PPM1E: variants seen among roughly 807,000 people sequenced by gnomAD.
PPM1E encodes the protein protein phosphatase, Mg2+/Mn2+ dependent 1E, also known as protein phosphatase 1E.
A neutral mutation model predicts 65.9 loss-of-function variants in PPM1E; 20 were observed. The ratio of observed to expected loss-of-function variants is 0.30; its 90% confidence interval spans 0.21 to 0.44. The LOEUF (loss-of-function observed/expected upper bound fraction) is 0.44, where lower values mean the gene tolerates loss of function less well. Among genes scored for constraint, PPM1E ranks in the 20% least tolerant of loss-of-function variants. The pLI is 1.00. For synonymous variants in PPM1E, 352 were observed against 374.9 expected (o/e 0.94, Z 0.70); for missense variants, 713 against 953.1 (o/e 0.75, Z 3.32).
chr17:58,890,671 T>C (rs1789270071), intron 1 of PPM1E, among the ~76,000 whole-genome samples: 1 of 152,182 alleles, frequency 6.6e-6, no homozygotes, highest in Non-Finnish European at 1.5e-5. Flanking sequence ...ATGAATGTTT[T>C]TTCATTCCTG....
intron 1 of PPM1E, among the ~76,000 whole-genome samples, chr17:58,909,961 G>T: frequency 2.6e-5 from 3 of 113,810 alleles, no homozygotes; most frequent in South Asian, 3.2e-4. Context: ...GGAGTGCAGT[G>T]GTGCTATCTT....
At chr17:58,770,629 G>T (rs187081234) in intron 1 of PPM1E, among the ~76,000 whole-genome samples, 28 of 152,164 alleles carry the variant, frequency 1.8e-4, no homozygotes, top group Admixed American at 7.9e-4. Context: ...AAAAATTAGT[G>T]CCTCAATGTT....
chr17:58,936,091 T>C (rs2051976803), intron 1 of PPM1E, among the ~76,000 whole-genome samples: 1 of 152,008 alleles, frequency 6.6e-6, no homozygotes, highest in South Asian at 2.1e-4. Flanking sequence ...TATTTAGTTG[T>C]AGAAAAACTA....
At chr17:58,921,245 G>A (rs1283386868) in intron 1 of PPM1E, among the ~76,000 whole-genome samples, 1 of 152,184 alleles carries the variant, frequency 6.6e-6, no homozygotes, top group African/African-American at 2.4e-5. Flanking sequence ...AGAGAAATGG[G>A]ACTTTGACTG....
chr17:58,834,016 G>A (rs1309586984), intron 1 of PPM1E, among the ~76,000 whole-genome samples: 1 of 152,046 alleles, frequency 6.6e-6, no homozygotes, highest in East Asian at 1.9e-4. Flanking sequence ...ATTTTTTCGT[G>A]TTCATTGGCC....
At position 58,961,106 on chromosome 17, in the gene PPM1E, A is replaced by G. The variant is rs77224445; in HGVS notation, c.584-4588A>G. On this transcript the variant is annotated intron_variant, in intron 2 of 6. Coordinates refer to ENST00000308249, the MANE Select transcript of PPM1E (RefSeq NM_014906.5). ...GACATCCTTTAAAATTAAGAGTAAT[A>G]GGTAGGAAAACTAGACCTCCCGATA... Among the ~76,000 whole-genome samples the G allele has an allele frequency of 8.0e-3, 1,214 of 152,294 alleles. 50 individuals are homozygous for G. Among genetic ancestry groups the G allele is most frequent in the Admixed American group, 0.063 (968 of 15,278 alleles).
chr17:58,901,725 C>G (rs1453365393), intron 1 of PPM1E, among the ~76,000 whole-genome samples: 2 of 151,266 alleles, frequency 1.3e-5, no homozygotes, highest in Non-Finnish European at 2.9e-5. Context: ...ACCTATAATC[C>G]CAGCACTTTG....
At chr17:58,962,522 C>T (rs947901370) in intron 2 of PPM1E, among the ~76,000 whole-genome samples, 1 of 152,126 alleles carries the variant, frequency 6.6e-6, no homozygotes, top group African/African-American at 2.4e-5. Flanking sequence ...CAGATGAGGA[C>T]ACATCCATCT....
At chr17:58,927,249 C>G (rs2051835017) in intron 1 of PPM1E, among the ~76,000 whole-genome samples, 1 of 151,414 alleles carries the variant, frequency 6.6e-6, no homozygotes, top group South Asian at 2.1e-4. Flanking sequence ...GCCTCAGCCT[C>G]CCGAGTAGCT....
chr17:58,765,258 A>T (rs11657895), intron 1 of PPM1E, among the ~76,000 whole-genome samples: 306 of 151,126 alleles, frequency 2.0e-3, no homozygotes, highest in Admixed American at 3.8e-3. Context: ...GCTCACTGCA[A>T]CTTCCAACTT....
rs182926634 is a variant in PPM1E at position 58,869,908 on chromosome 17, C to T, written c.465-85741C>T. On this transcript the variant is annotated intron_variant, in intron 1 of 6. Coordinates refer to ENST00000308249, the MANE Select transcript of PPM1E (RefSeq NM_014906.5). ...CCTATTTGGCTTTATCAAAGATGAACGAATTGATATAAGTCAGAGAATCTG... is the reference window on the plus strand; with the variant it reads ...CCTATTTGGCTTTATCAAAGATGAATGAATTGATATAAGTCAGAGAATCTG... Among the ~76,000 whole-genome samples, 12 of 152,188 alleles carry T rather than the reference C, an allele frequency of 7.9e-5. No individual in the cohort carries two copies. The East Asian group carries it at 1.2e-3, about 15-fold the overall frequency.
intron 1 of PPM1E, chr17:58,955,411 T>C: frequency 1.8e-6 from 1 of 547,364 alleles, no homozygotes; most frequent in Non-Finnish European, 3.2e-6. Flanking sequence ...TTTTAAGTTA[T>C]ATCCTATTAG....
chr17:58,941,786 C>T (rs1598664583), intron 1 of PPM1E, among the ~76,000 whole-genome samples: 1 of 150,370 alleles, frequency 6.7e-6, no homozygotes, highest in Non-Finnish European at 1.5e-5. Flanking sequence ...GGGCAGATCA[C>T]CTGAGGTCAG....
At chr17:58,932,043 C>G (rs1452170839) in intron 1 of PPM1E, among the ~76,000 whole-genome samples, 2 of 152,034 alleles carry the variant, frequency 1.3e-5, no homozygotes, top group Admixed American at 1.3e-4. Flanking sequence ...TGGGAGGCCA[C>G]AGCAGGAAGA....
chr17:58,930,248 TATACACAC>T (rs1156691326), intron 1 of PPM1E, among the ~76,000 whole-genome samples: 1 of 142,086 alleles, frequency 7.0e-6, no homozygotes, highest in Non-Finnish European at 1.5e-5. Flanking sequence ...ATTAAATGTA[TATACACAC>T]ACACACACAC....
chr17:58,924,428 G>A (rs1343575271), intron 1 of PPM1E, among the ~76,000 whole-genome samples: 2 of 152,050 alleles, frequency 1.3e-5, no homozygotes, highest in Non-Finnish European at 2.9e-5. Flanking sequence ...GCACATGCCT[G>A]TAGCTCCAGC....
chr17:58,826,079 C>T (rs56317309), intron 1 of PPM1E, among the ~76,000 whole-genome samples: 7 of 150,972 alleles, frequency 4.6e-5, no homozygotes, highest in African/African-American at 1.2e-4. Flanking sequence ...ACCTGAGGTC[C>T]GAAGTTCGAG....
chr17:58,848,055 G>A (rs192905547), intron 1 of PPM1E, among the ~76,000 whole-genome samples: 98 of 152,256 alleles, frequency 6.4e-4, no homozygotes, highest in Non-Finnish European at 1.3e-4. Context: ...GTTCACTCAT[G>A]ATTTGGCTCT....
intron 1 of PPM1E, among the ~76,000 whole-genome samples, chr17:58,873,750 A>G (rs1324161253): frequency 1.3e-5 from 2 of 149,984 alleles, no homozygotes; most frequent in Non-Finnish European, 3.0e-5. Context: ...CCGCACTACC[A>G]TGCCCAGCTA....
Sources: gnomAD v4.1 joint callset for allele counts (sites outside exome capture counted in the v4.1 genomes callset) on GRCh38, gnomAD v4.1.1 for gene constraint, MANE v1.5 for transcripts, NCBI Gene and HGNC (gene_info 2026-07-23, HGNC 2026-07-21) for gene names.